Variants in SRBD1 observed in about 807,000 individuals in gnomAD.
The protein encoded by SRBD1 is S1 RNA binding domain 1.
In SRBD1, 88 loss-of-function variants were observed where a neutral mutation model predicts 115.3. The ratio of observed to expected loss-of-function variants is 0.76; its 90% CI spans 0.64 to 0.91. The LOEUF is 0.91. Among genes scored for constraint, SRBD1 ranks in the 40% least tolerant of loss-of-function variants. SRBD1 has a pLI of 0.00. For synonymous variants in SRBD1, 509 were observed against 407.7 expected, an observed-to-expected ratio of 1.25 and a Z score of -2.99; for missense variants, 1,385 against 1,177.4, an observed-to-expected ratio of 1.18 and a Z score of -2.58.
At chr2:45,413,041 C>A (rs1479609328) in intron 19 of SRBD1, 73 bp downstream of exon 19, 6 of 1,500,036 alleles carry the variant, frequency 4.0e-6, no homozygotes, top group South Asian at 1.4e-5. Flanking sequence ...TTCCATTATG[C>A]CAAAACAAAG....
At chr2:45,489,151 T>C (rs1359571951) in intron 14 of SRBD1, among the ~76,000 whole-genome samples, 1 of 152,242 alleles carries the variant, frequency 6.6e-6, no homozygotes, top group African/African-American at 2.4e-5. Flanking sequence ...AGTTCTCCTT[T>C]ATGACATGAC....
chr2:45,462,409 T>C (rs1669343875), intron 16 of SRBD1, among the ~76,000 whole-genome samples: 1 of 152,126 alleles, frequency 6.6e-6, no homozygotes, highest in Non-Finnish European at 1.5e-5. Context: ...CTAACTGCAT[T>C]CATACCCTCT....
chr2:45,556,010 C>T (rs1672464272), intron 10 of SRBD1, among the ~76,000 whole-genome samples: 1 of 152,168 alleles, frequency 6.6e-6, no homozygotes, highest in Non-Finnish European at 1.5e-5. Context: ...TTATCTTAGG[C>T]TAGGAAATGA....
chr2:45,561,723 TTAAAAC>T (rs1205696577), intron 10 of SRBD1, among the ~76,000 whole-genome samples: 2 of 152,126 alleles, frequency 1.3e-5, no homozygotes, highest in Non-Finnish European at 1.5e-5. Context: ...CTCTGAAAAA[TTAAAAC>T]TAAAAGTAAA....
At chr2:45,470,351 A>G (rs183999839) in intron 16 of SRBD1, among the ~76,000 whole-genome samples, 57 of 152,366 alleles carry the variant, frequency 3.7e-4, no homozygotes, top group African/African-American at 1.3e-3. Context: ...TTCCTTTTAC[A>G]GTAATTATTC....
At position 45,595,708 on chromosome 2, in the gene SRBD1, A is replaced by G. The variant is rs566652694; in HGVS notation, c.648+3741T>C. 2.0e-5 allele frequency among the ~76,000 whole-genome samples: 3 copies of G among 152,210 alleles called. No homozygotes were observed. The South Asian group carries it at 6.2e-4, about 32-fold the overall frequency. On this transcript the variant is annotated intron_variant, in intron 4 of 20. Transcript: ENST00000263736. ...TACGGAGAAATTTTAAAAGTATAGG[A>G]AAGGAAATCCACATATACCACAATA... is the stretch of plus-strand genomic sequence containing the variant.
intron 14 of SRBD1, among the ~76,000 whole-genome samples, chr2:45,493,961 C>T (rs1167882835): frequency 6.6e-6 from 1 of 152,020 alleles, no homozygotes; most frequent in African/African-American, 2.4e-5. Flanking sequence ...CAAAAATGTA[C>T]ATTCTCTCTG....
Position 45,499,944 on chromosome 2 carries a change from G to T in SRBD1, c.1875-11613C>A, listed in dbSNP as rs1031330395. On this transcript the variant is annotated intron_variant, in intron 14 of 20. Transcript: ENST00000263736. ...CAGGTAGTGTGATGCCTTCAGCTTT[G>T]TTCGTTTTGCTAAGGATTGCATTAG... 2.0e-5 allele frequency among the ~76,000 whole-genome samples: 3 copies of T among 152,114 alleles called. No homozygotes were observed. The East Asian group carries it at 5.8e-4, about 29-fold the overall frequency.
intron 15 of SRBD1, among the ~76,000 whole-genome samples, chr2:45,481,047 G>T (rs901449444): frequency 6.6e-6 from 1 of 152,144 alleles, no homozygotes; most frequent in South Asian, 2.1e-4. Flanking sequence ...ATCAAGGCGA[G>T]ACTCTCCACC....
At position 45,488,307 on chromosome 2, in the gene SRBD1, T is replaced by C; in HGVS notation, c.1899A>G (p.Ser633=). 1 of 1,613,854 alleles carries C rather than the reference T, an allele frequency of 6.2e-7. No individual in the cohort carries two copies. The highest frequency in any genetic ancestry group is 8.5e-7 in the Non-Finnish European group (1 of 1,179,914). Residue 633 remains serine (S), a synonymous_variant, in exon 15 of 21, where the codon TCA becomes TCG. Transcript: ENST00000263736. ...VYCIVSEAGA[S]IYSVSPEANK... The stretch of plus-strand genomic sequence containing the variant: ...TAGCTTCAGGGCTGACACTGTAGAT[T>C]GATGCTCCTGCTTCACTGACGATAC...
At chr2:45,580,083 T>C (rs1673302829) in intron 6 of SRBD1, 70 bp from the exon 7 acceptor site, 2 of 1,288,088 alleles carry the variant, frequency 1.6e-6, no homozygotes, top group South Asian at 3.8e-5. Context: ...GGTTACAAAA[T>C]TAGAGGACAT....
Position 45,413,227 on chromosome 2 carries a change from G to C in SRBD1, c.2400C>G (p.Val800=), listed in dbSNP as rs1455938215. 1 of 1,613,938 alleles carries C rather than the reference G, an allele frequency of 6.2e-7. No homozygotes were observed. The highest frequency in any genetic ancestry group is 1.3e-5 in the African/African-American group (1 of 74,910). Residue 800 remains valine, a synonymous_variant, in exon 19 of 21, where the codon GTC becomes GTG. Coordinates refer to ENST00000263736, the MANE Select transcript of SRBD1 (RefSeq NM_018079.5). ...TCTTTTTGCCCTGCTTCTCATTTGT[G>C]ACCTCAACGTCTGCTGAAGATGTCA... ...VAVTSSADVE[V]TNEKQGKKKS... is the part of the protein sequence containing the mutation.
At chr2:45,477,572 T>C (rs1382262560) in intron 15 of SRBD1, among the ~76,000 whole-genome samples, 3 of 152,172 alleles carry the variant, frequency 2.0e-5, no homozygotes, top group East Asian at 1.9e-4. Flanking sequence ...TTTTTAGAGA[T>C]AGGGTCTCAC....
At chr2:45,557,327 T>C (rs1672512603) in intron 10 of SRBD1, among the ~76,000 whole-genome samples, 1 of 152,172 alleles carries the variant, frequency 6.6e-6, no homozygotes, top group Admixed American at 6.5e-5. Context: ...ACAGAGGGAT[T>C]TGTTTTAATG....
Position 45,518,385 on chromosome 2 carries a change from G to C in SRBD1, c.1874+28347C>G, listed in dbSNP as rs79145517. Among the ~76,000 whole-genome samples, 5 of 152,282 alleles carry C rather than the reference G, an allele frequency of 3.3e-5. No homozygotes were observed. In the East Asian group the frequency reaches 7.7e-4, roughly 24 times the overall value. ...AATTTACTTGAGCACTGCTATATGA[G>C]ATTATTTTGAGCAGAATGAATGACA... On this transcript the variant is annotated intron_variant, in intron 14 of 20. Transcript: ENST00000263736.
intron 18 of SRBD1, among the ~76,000 whole-genome samples, chr2:45,414,813 CATAT>C (rs145214119): frequency 8.5e-5 from 3 of 35,222 alleles, no homozygotes; most frequent in Non-Finnish European, 1.5e-4. Context: ...TGTACACACA[CATAT>C]AGTGTGTATA....
At chr2:45,411,995 C>T (rs889655888) in intron 19 of SRBD1, among the ~76,000 whole-genome samples, 1 of 152,012 alleles carries the variant, frequency 6.6e-6, no homozygotes, top group Non-Finnish European at 1.5e-5. Context: ...CACCTGTAAC[C>T]CCAGCTACTT....
At chr2:45,487,319 G>A (rs1046554202) in intron 15 of SRBD1, among the ~76,000 whole-genome samples, 1 of 152,122 alleles carries the variant, frequency 6.6e-6, no homozygotes, top group Non-Finnish European at 1.5e-5. Flanking sequence ...TATTGCTTAT[G>A]ATACCAACTG....
intron 13 of SRBD1, 138 bp downstream of exon 13, chr2:45,547,384 G>T (rs533448570): frequency 3.0e-6 from 2 of 657,500 alleles, no homozygotes; most frequent in South Asian, 2.1e-5. Flanking sequence ...CCAGCAATTT[G>T]CCCCAGAACT....
Sources: gnomAD v4.1 joint callset for allele counts (sites outside exome capture counted in the v4.1 genomes callset) on GRCh38, gnomAD v4.1.1 for gene constraint, MANE v1.5 for transcripts, NCBI Gene and HGNC (gene_info 2026-07-23, HGNC 2026-07-21) for gene names.